The following ATRNL1 variants were observed in gnomAD, a reference collection of about 807,000 sequenced individuals.
ATRNL1 encodes attractin-like protein 1.
Under a neutral mutation model 182.7 loss-of-function variants are expected in ATRNL1, and 95 were observed. That is an observed-to-expected ratio of 0.52 (90% confidence interval 0.44 to 0.62). ATRNL1 has a LOEUF of 0.62. ATRNL1 is among the 20% of genes least tolerant of loss of function. The probability of loss-of-function intolerance (pLI) is 0.00; values close to 1 mark genes in which losing one functional copy is unlikely to be tolerated. For synonymous variants in ATRNL1, 576 were observed against 568.3 expected (o/e 1.01, Z -0.19); for missense variants, 1,471 against 1,679.5 (o/e 0.88, Z 2.17).
chr10:115,174,673 T>C (rs1847426793), intron 8 of ATRNL1, among the ~76,000 whole-genome samples: 1 of 151,978 alleles, frequency 6.6e-6, no homozygotes. Flanking sequence ...AGCCTGAAAG[T>C]TGCCATAGAC....
chr10:115,504,409 T>C (rs371825926), intron 24 of ATRNL1, among the ~76,000 whole-genome samples: 221 of 152,218 alleles, frequency 1.5e-3, no homozygotes, highest in South Asian at 3.9e-3. Context: ...GTATTGCCTG[T>C]GGACTAGTCC....
At position 115,425,105 on chromosome 10, in the gene ATRNL1, A is replaced by T. The variant is rs542535969; in HGVS notation, c.3270-1145A>T. Among the ~76,000 whole-genome samples the T allele has an allele frequency of 3.3e-5, 5 of 152,132 alleles. No individual in the cohort carries two copies. The South Asian group carries it at 1.0e-3, about 31-fold the overall frequency. ...CTTCAACTCATTTTTTTCCATGAAT[A>T]TAAAAACTAGCTAGCACATGGCTGA... On this transcript the variant is annotated intron_variant, in intron 20 of 28. Transcript: ENST00000355044.
intron 28 of ATRNL1, among the ~76,000 whole-genome samples, chr10:115,857,895 T>G (rs1951223747): frequency 6.6e-6 from 1 of 152,234 alleles, no homozygotes; most frequent in South Asian, 2.1e-4. Context: ...TTCTTTTTTC[T>G]TCTTTCCCAC....
chr10:115,569,552 T>C (rs781799776), intron 26 of ATRNL1, among the ~76,000 whole-genome samples: 3 of 152,202 alleles, frequency 2.0e-5, no homozygotes, highest in Non-Finnish European at 4.4e-5. Flanking sequence ...GGTTCTGATT[T>C]GCACATCTTG....
chr10:115,569,092 A>G (rs1210945609), intron 26 of ATRNL1, among the ~76,000 whole-genome samples: 2 of 152,092 alleles, frequency 1.3e-5, no homozygotes, highest in African/African-American at 4.8e-5. Context: ...AATGTTAGAA[A>G]TATTAGAATG....
At chr10:115,326,705 A>G (rs1248105078) in intron 18 of ATRNL1, among the ~76,000 whole-genome samples, 11 of 152,028 alleles carry the variant, frequency 7.2e-5, no homozygotes, top group Non-Finnish European at 1.6e-4. Context: ...TACAGTAACC[A>G]AAACAGCATG....
chr10:115,838,801 T>A (rs1180779418), intron 27 of ATRNL1, among the ~76,000 whole-genome samples: 2 of 149,892 alleles, frequency 1.3e-5, no homozygotes, highest in African/African-American at 4.9e-5. Flanking sequence ...GTATTTTTTT[T>A]AATACCCTAA....
chr10:115,627,918 G>A (rs1212094413), intron 26 of ATRNL1, among the ~76,000 whole-genome samples: 14 of 151,890 alleles, frequency 9.2e-5, no homozygotes, highest in African/African-American at 2.9e-4. Context: ...TGGCTGAGGC[G>A]GGCAGATCAC....
At chr10:115,327,089 C>A (rs11498873) in intron 18 of ATRNL1, among the ~76,000 whole-genome samples, 3,031 of 151,298 alleles carry the variant, frequency 0.02, 81 homozygotes, top group African/African-American at 0.066. Context: ...CAAATGGGAT[C>A]TAATTAAACT....
intron 25 of ATRNL1, among the ~76,000 whole-genome samples, chr10:115,545,095 G>A (rs1006014038): frequency 6.6e-6 from 1 of 151,774 alleles, no homozygotes; most frequent in Non-Finnish European, 1.5e-5. Flanking sequence ...TAGAAAAAAT[G>A]ATGTTATTCA....
intron 9 of ATRNL1, among the ~76,000 whole-genome samples, chr10:115,229,757 G>A (rs1482717818): frequency 6.6e-6 from 1 of 152,134 alleles, no homozygotes; most frequent in East Asian, 1.9e-4. Flanking sequence ...ATTTAAATAA[G>A]TACTTATCTC....
intron 27 of ATRNL1, among the ~76,000 whole-genome samples, chr10:115,792,760 G>T (rs888832546): frequency 1.3e-5 from 2 of 151,874 alleles, no homozygotes; most frequent in African/African-American, 4.8e-5. Context: ...TTCATTCAAA[G>T]AACAGGTTTT....
rs75400257 is a variant in ATRNL1 at position 115,247,122 on chromosome 10, C to T, written c.1687+5397C>T. On this transcript the variant is annotated intron_variant, in intron 10 of 28. Coordinates refer to ENST00000355044, the MANE Select transcript of ATRNL1 (RefSeq NM_207303.4). ...CTGGAGAAGACTTTCTGCAAAAGGC[C>T]GCAACAGCACAGGCAACAAAAGCAA... 3.3e-3 allele frequency among the ~76,000 whole-genome samples: 503 copies of T among 151,944 alleles called. 3 individuals carry two copies. The highest frequency in any genetic ancestry group is 0.012 in the African/African-American group (480 of 41,454).
At chr10:115,902,490 A>T (rs1952385374) in intron 28 of ATRNL1, among the ~76,000 whole-genome samples, 1 of 152,212 alleles carries the variant, frequency 6.6e-6, no homozygotes, top group Non-Finnish European at 1.5e-5. Flanking sequence ...TCTCCCCTTG[A>T]TACACCAGAG....
In ATRNL1 at chr10:115,621,718, A is replaced by T. The variant is rs1314014083; in HGVS notation, c.3795+72182A>T. The stretch of plus-strand genomic sequence containing the variant: ...AAGGTTGTTCTGGAATGCCATTAGA[A>T]CTTGAAGATCCCATTCCATTTCTTA... On this transcript the variant is annotated intron_variant, in intron 26 of 28. Transcript: ENST00000355044. Among the ~76,000 whole-genome samples the T allele has an allele frequency of 2.0e-5, 3 of 152,156 alleles. No individual in the cohort carries two copies. The East Asian group carries it at 5.8e-4, about 29-fold the overall frequency.
chr10:115,766,640 A>C (rs1399850463), intron 27 of ATRNL1, among the ~76,000 whole-genome samples: 6 of 152,204 alleles, frequency 3.9e-5, no homozygotes, highest in African/African-American at 1.4e-4. Flanking sequence ...TGATGAAGGT[A>C]AGTTTGGTTT....
intron 28 of ATRNL1, among the ~76,000 whole-genome samples, chr10:115,866,650 G>A (rs1245254470): frequency 6.6e-6 from 1 of 152,138 alleles, no homozygotes; most frequent in East Asian, 1.9e-4. Flanking sequence ...AGTGTTTCCT[G>A]ACAGGAAAGC....
chr10:115,214,963 A>G (rs1439517508), intron 8 of ATRNL1, among the ~76,000 whole-genome samples: 6 of 152,204 alleles, frequency 3.9e-5, no homozygotes, highest in Admixed American at 3.3e-4. Flanking sequence ...GCTGGAGCCT[A>G]TGATCACATT....
chr10:115,561,690 G>GGGGGGTGTGTGTGTGTGTGT (rs1554999705), intron 26 of ATRNL1, among the ~76,000 whole-genome samples: 1 of 50,446 alleles, frequency 2.0e-5, no homozygotes, highest in African/African-American at 7.0e-5. Flanking sequence ...TGTGTGTGTG[G>GGGGGGTGTGTGTGTGTGTGT]GTGTGTGTGT....
Sources: allele counts gnomAD v4.1 joint callset (sites outside exome capture counted in the v4.1 genomes callset), GRCh38; gene constraint gnomAD v4.1.1; transcripts MANE v1.5; gene names NCBI Gene and HGNC (gene_info 2026-07-23, HGNC 2026-07-21).